Variants in SEZ6L observed in about 807,000 individuals in gnomAD.
SEZ6L encodes seizure 6-like protein.
SEZ6L carries 37 observed loss-of-function variants against 106.2 expected under a neutral mutation model. The observed-to-expected ratio is 0.35, with a 90% confidence interval of 0.27 to 0.46. SEZ6L has a LOEUF of 0.46. Ranked by LOEUF, SEZ6L falls within the 20% of genes least tolerant of loss-of-function variation. The probability of loss-of-function intolerance (pLI) is 1.00; values close to 1 mark genes in which losing one functional copy is unlikely to be tolerated. For synonymous variants in SEZ6L, 541 were observed against 570.4 expected (o/e 0.95, Z 0.73); for missense variants, 1,172 against 1,332.8 (o/e 0.88, Z 1.88).
At chr22:26,222,881 G>A (rs1160907031) in intron 1 of SEZ6L, among the ~76,000 whole-genome samples, 1 of 152,100 alleles carries the variant, frequency 6.6e-6, no homozygotes, top group East Asian at 1.9e-4. Flanking sequence ...GACAATGTCT[G>A]GAGACATTTC....
intron 13 of SEZ6L, among the ~76,000 whole-genome samples, chr22:26,370,347 T>C (rs773496684): frequency 6.6e-6 from 1 of 151,838 alleles, no homozygotes; most frequent in Non-Finnish European, 1.5e-5. Context: ...ATCGAGCCAC[T>C]GCACTCCAGC....
intron 1 of SEZ6L, among the ~76,000 whole-genome samples, chr22:26,279,874 T>C (rs1211792437): frequency 6.6e-6 from 1 of 152,194 alleles, no homozygotes; most frequent in Non-Finnish European, 1.5e-5. Context: ...TGAGAGCAGT[T>C]AGAAAACCTG....
At chr22:26,187,205 C>A (rs1007513992) in intron 1 of SEZ6L, among the ~76,000 whole-genome samples, 3 of 152,190 alleles carry the variant, frequency 2.0e-5, no homozygotes, top group Non-Finnish European at 2.9e-5. Flanking sequence ...GAAGGGGAAG[C>A]AAACATGTCC....
rs528119826 is a variant in SEZ6L, at chr22:26,174,757, T to C, written c.94+4994T>C. Reference sequence around the variant, plus strand: ...GACTGCTTTGAGGAAAGGGTAAAAGTATGGTGAGTTGGGAGGAGGTCAGTG... The same window carrying C: ...GACTGCTTTGAGGAAAGGGTAAAAGCATGGTGAGTTGGGAGGAGGTCAGTG... On this transcript the variant is annotated intron_variant, in intron 1 of 16. Transcript: ENST00000248933. Among the ~76,000 whole-genome samples the C allele has an allele frequency of 2.2e-4, 34 of 152,172 alleles. No homozygotes were observed. The East Asian group carries it at 4.6e-3, about 21-fold the overall frequency.
intron 1 of SEZ6L, among the ~76,000 whole-genome samples, chr22:26,268,946 C>T (rs1418413736): frequency 6.6e-6 from 1 of 152,204 alleles, no homozygotes; most frequent in Non-Finnish European, 1.5e-5. Context: ...GCCCTTTAGT[C>T]TCTCTGAGCC....
chr22:26,348,586 G>GAAAGAA lies in SEZ6L; in HGVS notation c.2407+674_2407+675insAAGAAA, dbSNP rs1483427654. ...GGGAGGAAAGAAAGAAAGAAAGAAA[G>GAAAGAA]AGAAAGAAAGAAAGAAAGAAAGAGA... On this transcript the variant is annotated intron_variant, in intron 11 of 16. Coordinates refer to ENST00000248933, the MANE Select transcript of SEZ6L (RefSeq NM_021115.5). 8.6e-5 allele frequency among the ~76,000 whole-genome samples: 5 copies of GAAAGAA among 57,868 alleles called. 1 individual carries two copies. The highest frequency in any genetic ancestry group is 5.9e-4 in the African/African-American group (5 of 8,512). 38.0% of individuals were successfully genotyped at this position (57,868 alleles called of 152,430 possible).
chr22:26,273,232 T>A (rs1280603791), intron 1 of SEZ6L, among the ~76,000 whole-genome samples: 4 of 152,194 alleles, frequency 2.6e-5, no homozygotes. Flanking sequence ...AGGGCATCTT[T>A]CCCCCACCCC....
chr22:26,338,024 C>T (rs1456239126), intron 9 of SEZ6L, among the ~76,000 whole-genome samples: 2 of 152,178 alleles, frequency 1.3e-5, no homozygotes, highest in African/African-American at 2.4e-5. Context: ...TCCCAACTCC[C>T]GGACTAGCAG....
Position 26,197,967 on chromosome 22 carries a change from T to C in SEZ6L, c.94+28204T>C, listed in dbSNP as rs543051759. ...ACCCTGGCATGGTCGTCTCTCTCTG[T>C]GGATTCTCTAGAGGGCTTTGGTGAC... On this transcript the variant is annotated intron_variant, in intron 1 of 16. Coordinates refer to ENST00000248933, the MANE Select transcript of SEZ6L (RefSeq NM_021115.5). 2.6e-5 allele frequency among the ~76,000 whole-genome samples: 4 copies of C among 152,324 alleles called. No homozygotes were observed. The South Asian group carries it at 8.3e-4, about 32-fold the overall frequency.
At chr22:26,221,699 C>T (rs924650483) in intron 1 of SEZ6L, among the ~76,000 whole-genome samples, 3 of 151,832 alleles carry the variant, frequency 2.0e-5, no homozygotes, top group African/African-American at 7.3e-5. Flanking sequence ...TCTCTCGTAC[C>T]TGGTGTGTGT....
intron 1 of SEZ6L, among the ~76,000 whole-genome samples, chr22:26,278,943 AAGAAAAAG>A (rs1337279296): frequency 5.7e-4 from 83 of 146,254 alleles, no homozygotes; most frequent in Non-Finnish European, 1.1e-3. Context: ...GAAAGAAAGA[AAGAAAAAG>A]AAAGAAAGAG....
At chr22:26,365,195 C>G (rs2083764419) in intron 12 of SEZ6L, among the ~76,000 whole-genome samples, 177 bp from the exon 13 acceptor site, 1 of 152,128 alleles carries the variant, frequency 6.6e-6, no homozygotes, top group African/African-American at 2.4e-5. Flanking sequence ...GTAATCTGTG[C>G]CCAGAGGTGG....
chr22:26,327,469 C>A (rs556512862), intron 9 of SEZ6L, among the ~76,000 whole-genome samples: 1 of 141,608 alleles, frequency 7.1e-6, no homozygotes, highest in East Asian at 2.2e-4. Context: ...ACCATACACA[C>A]ACACCCCTCA....
intron 13 of SEZ6L, among the ~76,000 whole-genome samples, chr22:26,372,831 T>A (rs1005288062): frequency 1.3e-5 from 2 of 152,160 alleles, no homozygotes; most frequent in African/African-American, 4.8e-5. Context: ...ATAAAAGGAA[T>A]AAAAATGAAA....
chr22:26,193,737 A>G (rs1252980764), intron 1 of SEZ6L, among the ~76,000 whole-genome samples: 1 of 152,128 alleles, frequency 6.6e-6, no homozygotes, highest in Non-Finnish European at 1.5e-5. Context: ...CAGACTTCCC[A>G]TGGCATTCAA....
At chr22:26,319,940 C>T (rs75044293) in intron 9 of SEZ6L, among the ~76,000 whole-genome samples, 7,176 of 152,000 alleles carry the variant, frequency 0.047, 220 homozygotes, top group Middle Eastern at 0.11. Context: ...CTATGATGCA[C>T]GTGGAGGGAA....
Position 26,369,341 on chromosome 22 carries a change from C to CTTTTTTTTTTTTTTTTTTT in SEZ6L, c.2794+3779_2794+3780insTTTTTTTTTTTTTTTTTTT, listed in dbSNP as rs199641007. The stretch of plus-strand genomic sequence containing the variant: ...ATGACAATGACTTATATAAGCAGTT[C>CTTTTTTTTTTTTTTTTTTT]TTTTGTTTTTTTTTTTGAGACAGAT... On this transcript the variant is annotated intron_variant, in intron 13 of 16. Coordinates refer to ENST00000248933, the MANE Select transcript of SEZ6L (RefSeq NM_021115.5). 8.1e-3 allele frequency among the ~76,000 whole-genome samples: 837 copies of CTTTTTTTTTTTTTTTTTTT among 103,512 alleles called. 185 individuals are homozygous for CTTTTTTTTTTTTTTTTTTT. The highest frequency in any genetic ancestry group is 0.025 in the African/African-American group (522 of 20,588). The allele number at this position is 103,512 out of a possible 152,430, so 67.9% of individuals were successfully genotyped here.
At chr22:26,283,448 A>G (rs1262908217) in intron 1 of SEZ6L, among the ~76,000 whole-genome samples, 4 of 152,230 alleles carry the variant, frequency 2.6e-5, no homozygotes, top group East Asian at 1.9e-4. Context: ...GCTTCTAAGT[A>G]CAAAGTTGGT....
intron 1 of SEZ6L, among the ~76,000 whole-genome samples, chr22:26,274,119 A>C (rs137183): frequency 0.51 from 77,525 of 152,060 alleles, 21,081 homozygotes; most frequent in African/African-American, 0.62. Context: ...CAAGTCCCAG[A>C]ACTGCCATCT....
Sources: allele counts gnomAD v4.1 joint callset (sites outside exome capture counted in the v4.1 genomes callset), GRCh38; gene constraint gnomAD v4.1.1; transcripts MANE v1.5; gene names NCBI Gene and HGNC (gene_info 2026-07-23, HGNC 2026-07-21).